The following TBL1XR1 variants were observed in gnomAD, a reference collection of about 807,000 sequenced individuals.
The protein encoded by TBL1XR1 is TBL1X/Y related 1, also known as F-box-like/WD repeat-containing protein TBL1XR1.
Under a neutral mutation model 66.9 loss-of-function variants are expected in TBL1XR1, and 5 were observed. That is an observed-to-expected ratio of 0.07 (90% CI 0.04 to 0.16). TBL1XR1 has a LOEUF of 0.16. Ranked by LOEUF, TBL1XR1 falls within the 10% of genes least tolerant of loss-of-function variation. TBL1XR1 has a pLI of 1.00. For missense variants in TBL1XR1, 238 were observed against 623.2 expected, an observed-to-expected ratio of 0.38 and a Z score of 6.58; for synonymous variants, 210 against 206.0, an observed-to-expected ratio of 1.02 and a Z score of -0.17.
intron 1 of TBL1XR1, chr3:177,171,283 T>C (rs545359338): frequency 6.6e-6 from 1 of 151,964 alleles, no homozygotes; most frequent in South Asian, 2.1e-4. Flanking sequence ...GAGGTTGCAA[T>C]GAGCTGAGAT....
chr3:177,072,365 A>G (rs911518152), intron 2 of TBL1XR1, among the ~76,000 whole-genome samples: 2 of 152,138 alleles, frequency 1.3e-5, no homozygotes, highest in Admixed American at 6.5e-5. Context: ...CATTTGCACC[A>G]ATGTTACAAA....
chr3:177,120,488 C>G (rs544127806), intron 1 of TBL1XR1, among the ~76,000 whole-genome samples: 1 of 152,316 alleles, frequency 6.6e-6, no homozygotes, highest in South Asian at 2.1e-4. Flanking sequence ...CTAACTTCCT[C>G]ACTCTAACAT....
chr3:177,070,934 G>A (rs1719899735), intron 2 of TBL1XR1, among the ~76,000 whole-genome samples: 1 of 151,706 alleles, frequency 6.6e-6, no homozygotes, highest in Non-Finnish European at 1.5e-5. Context: ...GAGTGTGTCT[G>A]AATAGGAATC....
intron 2 of TBL1XR1, chr3:177,091,243 A>C (rs1175306929): frequency 6.6e-6 from 1 of 152,142 alleles, no homozygotes; most frequent in Admixed American, 6.5e-5. Flanking sequence ...GGTTAAATAT[A>C]CATTTATAAA....
chr3:177,035,500 G>A (rs909498909), intron 12 of TBL1XR1, among the ~76,000 whole-genome samples: 4 of 146,198 alleles, frequency 2.7e-5, no homozygotes, highest in Admixed American at 7.0e-5. Flanking sequence ...CTGCAACTCC[G>A]TCCCCCGGGT....
intron 1 of TBL1XR1, among the ~76,000 whole-genome samples, chr3:177,106,105 C>T (rs1418329639): frequency 5.3e-5 from 8 of 151,882 alleles, no homozygotes; most frequent in Non-Finnish European, 1.5e-5. Flanking sequence ...ATAATGAAGA[C>T]ACCATAAACA....
At chr3:177,163,746 G>A (rs541706594) in intron 1 of TBL1XR1, among the ~76,000 whole-genome samples, 2 of 152,224 alleles carry the variant, frequency 1.3e-5, no homozygotes, top group South Asian at 2.1e-4. Flanking sequence ...AGGGGTAGGG[G>A]TAGGGGAGAG....
chr3:177,053,755 G>T lies in TBL1XR1; in HGVS notation c.204+18C>A. The T allele has an allele frequency of 6.2e-7, 1 of 1,605,514 alleles. No individual in the cohort carries two copies. The highest frequency in any genetic ancestry group is 8.5e-7 in the Non-Finnish European group (1 of 1,175,216). ...TTTAAGATGAAAAAAATCAGTATTTGAAATAAGTCTTCCTTACCTCATTAA... is the reference window on the plus strand; with the variant it reads ...TTTAAGATGAAAAAAATCAGTATTTTAAATAAGTCTTCCTTACCTCATTAA... On this transcript the variant is annotated intron_variant, in intron 4 of 15. Transcript: ENST00000457928.
At chr3:177,149,742 C>CT (rs1005941713) in intron 1 of TBL1XR1, among the ~76,000 whole-genome samples, 36 of 152,244 alleles carry the variant, frequency 2.4e-4, no homozygotes, top group African/African-American at 8.7e-4. Context: ...CACAACGCGA[C>CT]TGTGAAAATC....
intron 1 of TBL1XR1, among the ~76,000 whole-genome samples, chr3:177,132,915 C>G (rs765074524): frequency 2.6e-5 from 4 of 152,216 alleles, no homozygotes; most frequent in African/African-American, 4.8e-5. Flanking sequence ...CCGCCCTTCA[C>G]CCTCACCTCA....
At chr3:177,149,645 G>A (rs977566676) in intron 1 of TBL1XR1, among the ~76,000 whole-genome samples, 1 of 152,098 alleles carries the variant, frequency 6.6e-6, no homozygotes, top group Non-Finnish European at 1.5e-5. Context: ...ATGACAGCCC[G>A]TGGGCCAAAT....
chr3:177,140,859 C>G (rs937643755), intron 1 of TBL1XR1, among the ~76,000 whole-genome samples: 2 of 152,184 alleles, frequency 1.3e-5, no homozygotes, highest in African/African-American at 4.8e-5. Context: ...CTTGTCCAAC[C>G]TGCATAAACA....
At chr3:177,038,292 T>C in intron 11 of TBL1XR1, 21 bp downstream of exon 11, 1 of 1,593,338 alleles carries the variant, frequency 6.3e-7, no homozygotes, top group Admixed American at 1.8e-5. Flanking sequence ...ACCACTTTAA[T>C]GTGGAAAAAA....
intron 1 of TBL1XR1, among the ~76,000 whole-genome samples, chr3:177,135,083 A>C (rs1231738514): frequency 1.3e-5 from 2 of 150,628 alleles, no homozygotes; most frequent in African/African-American, 4.9e-5. Flanking sequence ...GCTCACTGCA[A>C]CCTCTGTCTC....
At chr3:177,026,497 C>T in intron 14 of TBL1XR1, 23 bp from the exon 15 acceptor site, 1 of 1,533,814 alleles carries the variant, frequency 6.5e-7, no homozygotes, top group Non-Finnish European at 8.8e-7. Flanking sequence ...AAAACAAAAT[C>T]TTAAAAATCG....
intron 2 of TBL1XR1, among the ~76,000 whole-genome samples, chr3:177,072,799 C>A (rs1428414966): frequency 6.6e-6 from 1 of 152,214 alleles, no homozygotes; most frequent in East Asian, 1.9e-4. Context: ...CGCAGTGGCT[C>A]ACGCCTGTAA....
At chr3:177,082,294 A>G (rs569112370) in intron 2 of TBL1XR1, among the ~76,000 whole-genome samples, 1 of 152,274 alleles carries the variant, frequency 6.6e-6, no homozygotes, top group African/African-American at 2.4e-5. Flanking sequence ...GGTTGCTAGA[A>G]AAATATCAAA....
chr3:177,106,865 G>A (rs1433729097), intron 1 of TBL1XR1, among the ~76,000 whole-genome samples: 1 of 151,698 alleles, frequency 6.6e-6, no homozygotes. Flanking sequence ...TAAGGCTATT[G>A]AATCCAGGTA....
intron 1 of TBL1XR1, among the ~76,000 whole-genome samples, chr3:177,189,667 A>G (rs1295718888): frequency 6.6e-6 from 1 of 150,626 alleles, no homozygotes; most frequent in Non-Finnish European, 1.5e-5. Context: ...AAAAAAAAAG[A>G]AGGATGTAAC....
Sources: allele counts gnomAD v4.1 joint callset (sites outside exome capture counted in the v4.1 genomes callset), GRCh38; gene constraint gnomAD v4.1.1; transcripts MANE v1.5; gene names NCBI Gene and HGNC (gene_info 2026-07-23, HGNC 2026-07-21).